Variants in THADA observed in about 807,000 individuals in gnomAD.
The protein encoded by THADA is tRNA (32-2'-O)-methyltransferase regulator THADA.
THADA carries 213 observed loss-of-function variants against 219.8 expected under a neutral mutation model. The ratio of observed to expected loss-of-function variants is 0.97; its 90% CI spans 0.87 to 1.09. THADA has a LOEUF of 1.09. Ranked by LOEUF, THADA falls within the 50% of genes least tolerant of loss-of-function variation. The pLI is 0.00. For missense variants in THADA, 2,956 were observed against 2,311.3 expected (o/e 1.28, Z -5.72); for synonymous variants, 1,018 against 828.9 (o/e 1.23, Z -3.92).
In THADA at chr2:43,501,715, G is replaced by A. The variant is rs541700139; in HGVS notation, c.3622-2760C>T. Among the ~76,000 whole-genome samples the A allele has an allele frequency of 3.0e-3, 457 of 152,248 alleles. 1 individual carries two copies. Among genetic ancestry groups the A allele is most frequent in the Non-Finnish European group, 4.5e-3 (304 of 67,994 alleles). Reference sequence around the variant, plus strand: ...TCCCAGCACTTTGGGAGGCCTTAGCGGGCAGATCACTTGAGGTCAGGAGTT... The same window carrying A: ...TCCCAGCACTTTGGGAGGCCTTAGCAGGCAGATCACTTGAGGTCAGGAGTT... On this transcript the variant is annotated intron_variant, in intron 24 of 37. Coordinates refer to ENST00000405975, the MANE Select transcript of THADA (RefSeq NM_022065.5).
chr2:43,566,883 T>A, intron 14 of THADA, 62 bp from the exon 15 acceptor site: 1 of 1,195,648 alleles, frequency 8.4e-7, no homozygotes, highest in Non-Finnish European at 1.1e-6. Context: ...ATATTCAGAG[T>A]ATTAAACACC....
chr2:43,408,025 T>A (rs1160982457), intron 28 of THADA, among the ~76,000 whole-genome samples: 4 of 152,254 alleles, frequency 2.6e-5, no homozygotes, highest in Non-Finnish European at 5.9e-5. Context: ...ACATAAGGAA[T>A]TGGTAGTCTA....
intron 27 of THADA, among the ~76,000 whole-genome samples, chr2:43,429,222 C>G (rs1365963054): frequency 6.7e-6 from 1 of 150,202 alleles, no homozygotes; most frequent in Non-Finnish European, 1.5e-5. Context: ...ATTCTCCTAC[C>G]TCAGCCTCCC....
Position 43,549,310 on chromosome 2 carries a change from A to G in THADA, c.3006T>C (p.Asp1002=). ...TCAATATTTTGGCTTGGTTAAAATA[A>G]TCATTAGTATCTCGAGGCTGAATCT... ...LNEIQPRDTN[D]YFNQAKILKE... The change falls in exon 20 of 38, where the codon GAT becomes GAC. Residue 1002 remains aspartate, a synonymous_variant. Coordinates refer to ENST00000405975, the MANE Select transcript of THADA (RefSeq NM_022065.5). 1 of 1,601,584 alleles carries G rather than the reference A, an allele frequency of 6.2e-7. No individual in the cohort carries two copies. The highest frequency in any genetic ancestry group is 8.5e-7 in the Non-Finnish European group (1 of 1,174,206).
At chr2:43,458,989 T>A (rs2104921676) in intron 26 of THADA, among the ~76,000 whole-genome samples, 1 of 152,284 alleles carries the variant, frequency 6.6e-6, no homozygotes, top group Admixed American at 6.5e-5. Flanking sequence ...AAAGTCTAGG[T>A]ACCACTTGTC....
intron 28 of THADA, among the ~76,000 whole-genome samples, chr2:43,417,888 C>T (rs1244660364): frequency 3.3e-5 from 5 of 152,068 alleles, no homozygotes; most frequent in East Asian, 3.9e-4. Context: ...GGGATAGTAA[C>T]GACAATGACT....
chr2:43,303,992 G>C (rs1450809773), intron 31 of THADA, among the ~76,000 whole-genome samples: 4 of 152,188 alleles, frequency 2.6e-5, no homozygotes, highest in African/African-American at 9.7e-5. Context: ...CAGACCATCT[G>C]ACATCATCCA....
At chr2:43,479,362 C>T (rs1161894908) in intron 26 of THADA, among the ~76,000 whole-genome samples, 1 of 152,174 alleles carries the variant, frequency 6.6e-6, no homozygotes, top group Non-Finnish European at 1.5e-5. Context: ...AACTTTTCTG[C>T]ACCTCAATTT....
At chr2:43,483,151 T>C (rs1251865218) in intron 26 of THADA, among the ~76,000 whole-genome samples, 2 of 152,202 alleles carry the variant, frequency 1.3e-5, no homozygotes, top group African/African-American at 4.8e-5. Flanking sequence ...AGGAAACAAC[T>C]GACTTGTGAG....
intron 35 of THADA, among the ~76,000 whole-genome samples, chr2:43,286,465 G>A (rs530792559): frequency 6.6e-6 from 1 of 152,226 alleles, no homozygotes; most frequent in African/African-American, 2.4e-5. Context: ...GGTGGTCTGG[G>A]AGTGGTGGCT....
intron 29 of THADA, among the ~76,000 whole-genome samples, chr2:43,350,291 C>T (rs2104556305): frequency 6.6e-6 from 1 of 152,322 alleles, no homozygotes; most frequent in Admixed American, 6.5e-5. Flanking sequence ...TCTAAACTTT[C>T]TAATTCACAG....
intron 22 of THADA, among the ~76,000 whole-genome samples, chr2:43,514,032 T>C (rs57494375): frequency 0.015 from 2,173 of 147,972 alleles, 48 homozygotes; most frequent in African/African-American, 0.049. Flanking sequence ...TAGACTCCAG[T>C]GTGGATGACA....
intron 29 of THADA, among the ~76,000 whole-genome samples, chr2:43,367,113 T>C (rs1670244065): frequency 6.6e-6 from 1 of 152,176 alleles, no homozygotes; most frequent in Non-Finnish European, 1.5e-5. Flanking sequence ...TTCCCTTATA[T>C]GAGGTACCAA....
chr2:43,585,751 T>A (rs1359235478), intron 7 of THADA, among the ~76,000 whole-genome samples: 1 of 151,892 alleles, frequency 6.6e-6, no homozygotes, highest in Non-Finnish European at 1.5e-5. Flanking sequence ...CTCAGAGAAG[T>A]AACAGAGGAT....
intron 29 of THADA, among the ~76,000 whole-genome samples, chr2:43,360,672 ACT>A (rs1308433448): frequency 6.6e-6 from 1 of 152,092 alleles, no homozygotes; most frequent in Non-Finnish European, 1.5e-5. Flanking sequence ...TGAAACAATG[ACT>A]CTCTCTAAGC....
At chr2:43,530,477 C>G (rs1693722763) in intron 21 of THADA, among the ~76,000 whole-genome samples, 1 of 152,080 alleles carries the variant, frequency 6.6e-6, no homozygotes, top group Admixed American at 6.6e-5. Context: ...CTAGAAGAAC[C>G]ACCAGTTAGC....
At chr2:43,239,051 C>T in intron 36 of THADA, among the ~76,000 whole-genome samples, 1 of 152,204 alleles carries the variant, frequency 6.6e-6, no homozygotes, top group East Asian at 1.9e-4. Flanking sequence ...ACATTCATGT[C>T]TGTGGTAGGC....
intron 36 of THADA, among the ~76,000 whole-genome samples, chr2:43,253,347 G>C (rs910950273): frequency 6.6e-6 from 1 of 151,978 alleles, no homozygotes; most frequent in African/African-American, 2.4e-5. Flanking sequence ...AGGATAAGAA[G>C]ACAGGTGATG....
intron 16 of THADA, among the ~76,000 whole-genome samples, chr2:43,556,884 G>A (rs1335962462): frequency 1.3e-5 from 2 of 152,030 alleles, no homozygotes; most frequent in African/African-American, 2.4e-5. Flanking sequence ...TGGGCAACAC[G>A]GTGAGACAAA....
Sources: gnomAD v4.1 joint callset for allele counts (sites outside exome capture counted in the v4.1 genomes callset) on GRCh38, gnomAD v4.1.1 for gene constraint, MANE v1.5 for transcripts, NCBI Gene and HGNC (gene_info 2026-07-23, HGNC 2026-07-21) for gene names.